The following NEDD1 variants were observed in gnomAD, a reference collection of about 807,000 sequenced individuals.
NEDD1 encodes the protein NEDD1 gamma-tubulin ring complex targeting factor.
NEDD1 carries 33 observed loss-of-function variants against 74.0 expected under a neutral mutation model. The observed-to-expected ratio is 0.45, with a 90% CI of 0.34 to 0.60. The LOEUF (loss-of-function observed/expected upper bound fraction) is 0.60, where lower values mean the gene tolerates loss of function less well. NEDD1 is among the 20% of genes least tolerant of loss of function. The probability of loss-of-function intolerance (pLI) is 0.01; values close to 1 mark genes in which losing one functional copy is unlikely to be tolerated. For missense variants in NEDD1, 746 were observed against 776.5 expected (o/e 0.96, Z 0.47); for synonymous variants, 250 against 264.4 (o/e 0.95, Z 0.53).
chr12:96,937,108 T>G, intron 8 of NEDD1, 90 bp from the exon 9 acceptor site: 5 of 739,046 alleles, frequency 6.8e-6, no homozygotes, highest in Non-Finnish European at 9.9e-6. Context: ...AAAAAATATA[T>G]TTTTTAATCT....
At chr12:96,932,463 A>AAAAAAATATATAT in intron 6 of NEDD1, among the ~76,000 whole-genome samples, 1 of 9,436 alleles carries the variant, frequency 1.1e-4, no homozygotes, top group African/African-American at 3.4e-4. Context: ...AAAAAAAAAA[A>AAAAAAATATATAT]ATATATATAT....
In NEDD1 at chr12:96,946,772, A is replaced by G. The variant is rs76664116; in HGVS notation, c.1811+923A>G. Among the ~76,000 whole-genome samples, 1,098 of 152,298 alleles carry G rather than the reference A, an allele frequency of 7.2e-3. 14 individuals are homozygous for G. Among genetic ancestry groups the G allele is most frequent in the African/African-American group, 0.024 (1,009 of 41,566 alleles). The stretch of plus-strand genomic sequence containing the variant: ...ATCAGTAGAATAGAACACTGTTGAC[A>G]ATATGATGAGGAAATTTTGTTTGTT... On this transcript the variant is annotated intron_variant, in intron 14 of 15. Transcript: ENST00000266742.
intron 6 of NEDD1, among the ~76,000 whole-genome samples, chr12:96,928,688 T>C (rs993309089): frequency 2.8e-5 from 4 of 144,238 alleles, no homozygotes; most frequent in African/African-American, 7.7e-5. Context: ...TTTCTTTTTT[T>C]TTTTTTTTTT....
chr12:96,909,870 C>G lies in NEDD1; in HGVS notation c.111C>G (p.Ile37Met). ...ACCCACACACATCACCACATGGAAT[C>G]AGCTCAATATGTTGGAGCAGCAATA... The part of the protein sequence containing the change: ...KFNPHTSPHG[I>M]SSICWSSNNN... Residue 37 changes from isoleucine (I) to methionine (M), a missense_variant, in exon 3 of 16, where the codon ATC becomes ATG. By Grantham distance (10) the Ile-to-Met change is conservative. Coordinates refer to ENST00000266742, the MANE Select transcript of NEDD1 (RefSeq NM_152905.4). 6.2e-7 allele frequency: 1 copy of G among 1,612,542 alleles called. No homozygotes were observed. The highest frequency in any genetic ancestry group is 1.1e-5 in the South Asian group (1 of 90,896).
Position 96,920,137 on chromosome 12 carries a change from G to A in NEDD1, c.489+12G>A, listed in dbSNP as rs1200540822. The A allele has an allele frequency of 2.0e-6, 3 of 1,513,320 alleles. No homozygotes were observed. Among genetic ancestry groups the A allele is most frequent in the South Asian group, 2.6e-5 (2 of 77,248 alleles). The allele number at this position is 1,513,320 out of a possible 1,614,324, so 93.7% of individuals were successfully genotyped here. A position where few individuals can be genotyped will look rare whatever the true frequency, so the allele number is the denominator to read the frequency against. Reference sequence around the variant, plus strand: ...ATGGTAGTAACCAGGTACAGTATGAGTTTATTCAGAGTAAAATTGGTAAGA... The same window carrying A: ...ATGGTAGTAACCAGGTACAGTATGAATTTATTCAGAGTAAAATTGGTAAGA... On this transcript the variant is annotated intron_variant, in intron 6 of 15. Transcript: ENST00000266742.
intron 4 of NEDD1, 142 bp from the exon 5 acceptor site, chr12:96,917,479 G>A (rs1874585772): frequency 5.3e-6 from 5 of 939,758 alleles, no homozygotes; most frequent in East Asian, 3.4e-5. Context: ...TGAGAGAGTG[G>A]CTCTTTAGTA....
At chr12:96,922,018 A>G (rs998730291) in intron 6 of NEDD1, among the ~76,000 whole-genome samples, 5 of 152,220 alleles carry the variant, frequency 3.3e-5, no homozygotes, top group African/African-American at 1.2e-4. Flanking sequence ...AGATTGGAAA[A>G]GGGTAAATAT....
chr12:96,920,508 C>T (rs901867313), intron 6 of NEDD1, among the ~76,000 whole-genome samples: 93 of 152,124 alleles, frequency 6.1e-4, no homozygotes, highest in African/African-American at 2.2e-3. Context: ...GTTTTGTGGA[C>T]ATGGAATGAT....
At position 96,909,827 on chromosome 12, in the gene NEDD1, C is replaced by T. The variant is rs1873716197; in HGVS notation, c.68C>T (p.Thr23Ile). The T allele has an allele frequency of 6.2e-7, 1 of 1,613,118 alleles. No homozygotes were observed. Among genetic ancestry groups the T allele is most frequent in the African/African-American group, 1.3e-5 (1 of 74,758 alleles). Residue 23 changes from threonine (T) to isoleucine (I), a missense_variant, in exon 3 of 16, where the codon ACA becomes ATA. Physicochemically the swap from Thr to Ile is moderately conservative, Grantham distance 89 (BLOSUM62 -1). Around this residue, in one of 3 missense-constraint regions of NEDD1, gnomAD observed 706 missense variants for 706.7 expected, o/e 1.00. Transcript: ENST00000266742. ...AAAATATGGGATGCTTCATCTATGA[C>T]ATTGGTGGATAAATTCAACCCACAC... Reference protein sequence around the residue: ...DIKIWDASSMTLVDKFNPHTS... With the variant: ...DIKIWDASSMILVDKFNPHTS...
intron 6 of NEDD1, 78 bp downstream of exon 6, chr12:96,920,203 GT>G (rs1874918835): frequency 2.3e-6 from 2 of 875,424 alleles, no homozygotes; most frequent in East Asian, 2.9e-5. Context: ...GTGAATTTAA[GT>G]TTTTGAAATG....
intron 11 of NEDD1, among the ~76,000 whole-genome samples, chr12:96,942,830 G>T (rs186953905): frequency 7.2e-5 from 11 of 152,150 alleles, no homozygotes; most frequent in Admixed American, 7.2e-4. Context: ...ATGTCAACCA[G>T]AGCTTCATTC....
chr12:96,912,895 C>A, intron 4 of NEDD1, 78 bp downstream of exon 4: 1 of 691,172 alleles, frequency 1.4e-6, no homozygotes, highest in Non-Finnish European at 2.5e-6. Flanking sequence ...GTGGTGCTTG[C>A]GACTAAATAT....
At chr12:96,934,829 C>T (rs1318145146) in intron 6 of NEDD1, 147 bp from the exon 7 acceptor site, 7 of 625,434 alleles carry the variant, frequency 1.1e-5, no homozygotes, top group East Asian at 2.7e-5. Flanking sequence ...TGAGCCACCA[C>T]GTCTGGCTGA....
intron 6 of NEDD1, among the ~76,000 whole-genome samples, chr12:96,930,207 ACACACTCTCTCTCTCTCTCT>A (rs927673975): frequency 4.4e-5 from 4 of 91,200 alleles, no homozygotes; most frequent in African/African-American, 2.0e-4. Flanking sequence ...ACACACACAC[ACACACTCTCTCTCTCTCTCT>A]CTCTCTCTCT....
chr12:96,909,708 ATTCTT>A, intron 2 of NEDD1, 39 bp from the exon 3 acceptor site: 1 of 1,523,670 alleles, frequency 6.6e-7, no homozygotes, highest in Non-Finnish European at 9.0e-7. Context: ...GAGTATGTCT[ATTCTT>A]AAATGTTTTT....
intron 4 of NEDD1, among the ~76,000 whole-genome samples, chr12:96,913,436 C>T (rs1413963823): frequency 6.6e-6 from 1 of 151,612 alleles, no homozygotes; most frequent in Non-Finnish European, 1.5e-5. Flanking sequence ...TGCAATGGTG[C>T]AATCTTAGCT....
Position 96,912,825 on chromosome 12 carries a change from A to ATT in NEDD1, c.231+21_231+22dup. On this transcript the variant is annotated intron_variant, in intron 4 of 15. Coordinates refer to ENST00000266742, the MANE Select transcript of NEDD1 (RefSeq NM_152905.4). ...TTAGAGCTTGCTGAAGGGGTAAGTG[A>ATT]TTTTTTTTTTTTTTAAACTTTTAAA... The ATT allele has an allele frequency of 2.2e-4, 258 of 1,183,078 alleles. No individual in the cohort carries two copies. Among genetic ancestry groups the ATT allele is most frequent in the Non-Finnish European group, 2.5e-4 (212 of 848,830 alleles). The allele number at this position is 1,183,078 out of a possible 1,614,324, so 73.3% of individuals were successfully genotyped here. A position where few individuals can be genotyped will look rare whatever the true frequency, so the allele number is the denominator to read the frequency against.
intron 4 of NEDD1, among the ~76,000 whole-genome samples, chr12:96,913,302 T>C (rs1027850984): frequency 3.3e-5 from 5 of 152,100 alleles, no homozygotes; most frequent in African/African-American, 9.7e-5. Context: ...CTTAAACAGG[T>C]TGGCTTTGTC....
intron 3 of NEDD1, 21 bp downstream of exon 3, chr12:96,909,916 A>ACG: frequency 8.2e-7 from 1 of 1,216,330 alleles, no homozygotes; most frequent in Non-Finnish European, 1.1e-6. Flanking sequence ...AAAAAAAAAA[A>ACG]CACACACACA....
Sources: allele counts gnomAD v4.1 joint callset (sites outside exome capture counted in the v4.1 genomes callset), GRCh38; gene constraint gnomAD v4.1.1; regional missense constraint gnomAD v4.1.1; transcripts MANE v1.5; gene names NCBI Gene and HGNC (gene_info 2026-07-23, HGNC 2026-07-21).